The following DYNC1I1 variants were observed in gnomAD, a reference collection of about 807,000 sequenced individuals.
DYNC1I1 encodes the protein dynein cytoplasmic 1 intermediate chain 1, also known as cytoplasmic dynein 1 intermediate chain 1.
Under a neutral mutation model 86.6 loss-of-function variants are expected in DYNC1I1, and 43 were observed. That is an observed-to-expected ratio of 0.50 (90% CI 0.39 to 0.64). The LOEUF (loss-of-function observed/expected upper bound fraction) is 0.64. DYNC1I1 is among the 30% of genes least tolerant of loss of function. The pLI is 0.00. For missense variants in DYNC1I1, 604 were observed against 788.8 expected, an observed-to-expected ratio of 0.77 and a Z score of 2.81; for synonymous variants, 262 against 283.7, an observed-to-expected ratio of 0.92 and a Z score of 0.77.
In DYNC1I1 at chr7:95,828,263, A is replaced by G. The variant is rs1321281308; in HGVS notation, c.374+147A>G. ...GTTTCCTTCTGTTGATTTTCCTTAT[A>G]AAGCTTTGAAGAAAGTCTCTCTTTG... is the stretch of plus-strand genomic sequence containing the variant. On this transcript the variant is annotated intron_variant, in intron 5 of 16. Transcript: ENST00000447467. 11 of 832,512 alleles carry G rather than the reference A, an allele frequency of 1.3e-5. No homozygotes were observed. In the Admixed American group the frequency reaches 1.5e-4, roughly 11 times the overall value. 51.6% of individuals were successfully genotyped at this position (832,512 alleles called of 1,614,324 possible).
chr7:96,026,857 C>G (rs958812323), intron 10 of DYNC1I1, among the ~76,000 whole-genome samples: 5 of 152,142 alleles, frequency 3.3e-5, no homozygotes, highest in Non-Finnish European at 5.9e-5. Flanking sequence ...TCTTCCCCTT[C>G]CATCTATCCC....
At chr7:95,838,701 A>G (rs976984569) in intron 5 of DYNC1I1, among the ~76,000 whole-genome samples, 2 of 151,654 alleles carry the variant, frequency 1.3e-5, no homozygotes, top group Non-Finnish European at 2.9e-5. Flanking sequence ...TTTGTCTTCA[A>G]TTTTTTTTCA....
chr7:95,790,586 T>G (rs1794271098), intron 1 of DYNC1I1, among the ~76,000 whole-genome samples: 1 of 152,250 alleles, frequency 6.6e-6, no homozygotes, highest in South Asian at 2.1e-4. Flanking sequence ...ACTCTGTGTT[T>G]TCCTCAGCTG....
chr7:95,860,086 G>A (rs1437277237), intron 5 of DYNC1I1, among the ~76,000 whole-genome samples: 4 of 152,132 alleles, frequency 2.6e-5, no homozygotes, highest in Non-Finnish European at 4.4e-5. Flanking sequence ...TTTCATGCAC[G>A]GTTATTCAAA....
At chr7:95,905,165 A>T (rs1562939569) in intron 6 of DYNC1I1, among the ~76,000 whole-genome samples, 1 of 152,202 alleles carries the variant, frequency 6.6e-6, no homozygotes, top group Non-Finnish European at 1.5e-5. Context: ...GCCAATTGGA[A>T]GCCAAATTGA....
intron 8 of DYNC1I1, 86 bp downstream of exon 8, chr7:95,985,063 A>C: frequency 6.5e-7 from 1 of 1,549,092 alleles, no homozygotes; most frequent in Non-Finnish European, 8.7e-7. Context: ...GGAAAATTCC[A>C]AATTAAGAAA....
intron 4 of DYNC1I1, chr7:95,818,792 A>G: frequency 2.9e-6 from 1 of 350,072 alleles, no homozygotes; most frequent in Non-Finnish European, 5.1e-6. Context: ...CTTTTATATT[A>G]TATGTATGTC....
intron 16 of DYNC1I1, among the ~76,000 whole-genome samples, chr7:96,097,189 T>C (rs558791894): frequency 6.6e-6 from 1 of 152,188 alleles, no homozygotes; most frequent in Non-Finnish European, 1.5e-5. Context: ...AAAAATTTCA[T>C]TACTAAAAGC....
intron 14 of DYNC1I1, among the ~76,000 whole-genome samples, chr7:96,061,936 A>G (rs1268658509): frequency 6.6e-6 from 1 of 152,138 alleles, no homozygotes; most frequent in African/African-American, 2.4e-5. Flanking sequence ...AGGCGGGGTG[A>G]TAACATTTTG....
chr7:95,830,205 GA>G (rs1178448316), intron 5 of DYNC1I1, among the ~76,000 whole-genome samples: 3 of 152,108 alleles, frequency 2.0e-5, no homozygotes, highest in Non-Finnish European at 2.9e-5. Context: ...CACCTTTACT[GA>G]AGTATAACTG....
At chr7:96,040,836 C>T (rs1789024504) in intron 14 of DYNC1I1, among the ~76,000 whole-genome samples, 1 of 151,994 alleles carries the variant, frequency 6.6e-6, no homozygotes, top group South Asian at 2.1e-4. Flanking sequence ...ATTCTCCTGC[C>T]TCAACCTCCC....
chr7:95,932,196 G>A (rs1791917270), intron 6 of DYNC1I1, among the ~76,000 whole-genome samples: 1 of 152,136 alleles, frequency 6.6e-6, no homozygotes. Context: ...TCCTATGGGT[G>A]ACTATGTAGC....
At chr7:95,881,373 GAA>G (rs5885930) in intron 6 of DYNC1I1, among the ~76,000 whole-genome samples, 1 of 150,160 alleles carries the variant, frequency 6.7e-6, no homozygotes, top group Non-Finnish European at 1.5e-5. Flanking sequence ...AAAGGAAAAA[GAA>G]AAAAAAAAGT....
intron 9 of DYNC1I1, among the ~76,000 whole-genome samples, chr7:95,994,671 A>T (rs760724513): frequency 6.6e-6 from 1 of 152,032 alleles, no homozygotes. Context: ...ATTATTAAGG[A>T]TCCTCTGTGA....
At chr7:95,773,513 T>C (rs1432591559) in intron 1 of DYNC1I1, among the ~76,000 whole-genome samples, 1 of 152,138 alleles carries the variant, frequency 6.6e-6, no homozygotes. Context: ...TCTCATGACT[T>C]GTACCTTGGC....
At chr7:95,880,640 CTTTTTTTTTT>C (rs142182653) in intron 6 of DYNC1I1, among the ~76,000 whole-genome samples, 9 of 92,552 alleles carry the variant, frequency 9.7e-5, no homozygotes, top group Non-Finnish European at 1.8e-4. Context: ...CATCTTCTTA[CTTTTTTTTTT>C]TTTTTTTTTT....
intron 9 of DYNC1I1, among the ~76,000 whole-genome samples, chr7:95,993,253 C>T (rs934353661): frequency 3.9e-5 from 6 of 152,166 alleles, no homozygotes; most frequent in African/African-American, 1.4e-4. Context: ...CTTATGATCT[C>T]AGTTATAGAA....
At chr7:96,026,470 T>C (rs575497301) in intron 10 of DYNC1I1, among the ~76,000 whole-genome samples, 15 of 152,156 alleles carry the variant, frequency 9.9e-5, no homozygotes, top group East Asian at 1.9e-4. Flanking sequence ...GTATCAGTTA[T>C]GATGTTGGAT....
chr7:95,855,129 G>A (rs933473394), intron 5 of DYNC1I1, among the ~76,000 whole-genome samples: 9 of 152,166 alleles, frequency 5.9e-5, no homozygotes, highest in African/African-American at 9.7e-5. Flanking sequence ...TGTAAAACAC[G>A]TCTGATGGTG....
Sources: gnomAD v4.1 joint callset for allele counts (sites outside exome capture counted in the v4.1 genomes callset) on GRCh38, gnomAD v4.1.1 for gene constraint, MANE v1.5 for transcripts, NCBI Gene and HGNC (gene_info 2026-07-23, HGNC 2026-07-21) for gene names.